Variants in STRIP1 observed in about 807,000 individuals in gnomAD.
The protein encoded by STRIP1 is striatin-interacting protein 1.
A neutral mutation model predicts 106.2 loss-of-function variants in STRIP1; 63 were observed. That is an observed-to-expected ratio of 0.59 (90% CI 0.48 to 0.73). The LOEUF (loss-of-function observed/expected upper bound fraction) is 0.73. STRIP1 is among the 30% of genes least tolerant of loss of function. The pLI is 0.00. For missense variants in STRIP1, 857 were observed against 1,074.8 expected (o/e 0.80, Z 2.83); for synonymous variants, 390 against 413.0 (o/e 0.94, Z 0.67).
chr1:110,035,830 T>C (rs1437487547), intron 1 of STRIP1, among the ~76,000 whole-genome samples: 1 of 152,212 alleles, frequency 6.6e-6, no homozygotes, highest in South Asian at 2.1e-4. Flanking sequence ...CCTCAGAAGC[T>C]TTTATTTTTT....
Position 110,050,990 on chromosome 1 carries a change from A to G in STRIP1, c.1991A>G (p.Asn664Ser). The change falls in exon 19 of 21, where the codon AAC becomes AGC. Residue 664 changes from asparagine to serine, a missense_variant. By Grantham distance (46) the Asn-to-Ser change is conservative (BLOSUM62 1). Around this residue, in one of 2 missense-constraint regions of STRIP1, gnomAD observed 750 missense variants for 989.8 expected, o/e 0.76. Coordinates refer to ENST00000369795, the MANE Select transcript of STRIP1 (RefSeq NM_033088.4). ...GACAGTAACCAATTTTGCTGGAGGA[A>G]CCTCTTTTCTTGTATCAATCTGCTT... Reference protein sequence around the residue: ...AGDSNQFCWRNLFSCINLLRI... With the variant: ...AGDSNQFCWRSLFSCINLLRI... 1 of 1,613,792 alleles carries G rather than the reference A, an allele frequency of 6.2e-7. No homozygotes were observed. The highest frequency in any genetic ancestry group is 8.5e-7 in the Non-Finnish European group (1 of 1,179,718).
intron 2 of STRIP1, 111 bp downstream of exon 2, chr1:110,038,071 A>AATATATAT (rs3085770): frequency 0.011 from 1,489 of 129,928 alleles, 24 homozygotes; most frequent in African/African-American, 0.021. Flanking sequence ...AGTTCTATCA[A>AATATATAT]ATATATATAT....
intron 1 of STRIP1, among the ~76,000 whole-genome samples, chr1:110,036,791 C>T (rs1355560362): frequency 6.6e-6 from 1 of 152,054 alleles, no homozygotes; most frequent in East Asian, 1.9e-4. Flanking sequence ...CTGAACACAA[C>T]GTGGAGTTCT....
In STRIP1 at chr1:110,053,758, A is replaced by G. The variant is rs976100383; in HGVS notation, c.2360A>G (p.His787Arg). ...AACGCCCGGCGCTATGACCGGGCCC[A>G]CAGCAACCCTGACTTCCTGCCAGTG... Reference protein sequence around the residue: ...RFNARRYDRAHSNPDFLPVDN... With the variant: ...RFNARRYDRARSNPDFLPVDN... Residue 787 changes from histidine to arginine, a missense_variant, in exon 21 of 21, where the codon CAC (histidine) becomes CGC (arginine). By Grantham distance (29) the His-to-Arg change is conservative. Coordinates refer to ENST00000369795, the MANE Select transcript of STRIP1 (RefSeq NM_033088.4). The G allele has an allele frequency of 6.8e-6, 11 of 1,613,970 alleles. No homozygotes were observed. The African/African-American group carries it at 1.3e-4, about 20-fold the overall frequency.
At chr1:110,043,985 G>A (rs1193939343) in intron 10 of STRIP1, 129 bp downstream of exon 10, 9 of 883,064 alleles carry the variant, frequency 1.0e-5, no homozygotes, top group Admixed American at 4.6e-5. Flanking sequence ...TCTGGGATGA[G>A]GCTCTCTTAA....
intron 5 of STRIP1, 111 bp from the exon 6 acceptor site, chr1:110,040,524 C>A: frequency 1.0e-6 from 1 of 999,482 alleles, no homozygotes. Flanking sequence ...GCCTCTTGTG[C>A]AGTCCAAGCA....
At chr1:110,032,027 C>T (rs116326844), upstream of STRIP1, among the ~76,000 whole-genome samples, 2,227 of 152,082 alleles carry the variant, frequency 0.015, 64 homozygotes, top group African/African-American at 0.051. Flanking sequence ...AGCCACGGTG[C>T]CTGGCCCCTC....
Position 110,038,732 on chromosome 1 carries a change from C to G in STRIP1, c.300C>G (p.Cys100Trp). Residue 100 changes from cysteine (C) to tryptophan (W), a missense_variant, in exon 3 of 21, where the codon TGC becomes TGG. Transcript: ENST00000369795. ...CAGAATTCCTGATGAATCGAAAATG[C>G]TTTGAGGAGGACTTCCGGATCCATG... is the stretch of plus-strand genomic sequence containing the variant. ...EGPEFLMNRK[C>W]FEEDFRIHVT... 6.2e-7 allele frequency: 1 copy of G among 1,614,150 alleles called. No homozygotes were observed. The highest frequency in any genetic ancestry group is 8.5e-7 in the Non-Finnish European group (1 of 1,180,004).
chr1:110,044,571 G>C (rs1173629295), intron 10 of STRIP1, among the ~76,000 whole-genome samples: 2 of 152,216 alleles, frequency 1.3e-5, no homozygotes, highest in Non-Finnish European at 2.9e-5. Context: ...TCTGAATAAA[G>C]CATGTTTTTA....
At chr1:110,048,656 C>T (rs1653147171) in intron 15 of STRIP1, among the ~76,000 whole-genome samples, 1 of 152,236 alleles carries the variant, frequency 6.6e-6, no homozygotes, top group African/African-American at 2.4e-5. Context: ...AGGAATTCCT[C>T]TTACAAAGAT....
At position 110,034,709 on chromosome 1, in the gene STRIP1, G is replaced by A. The variant is rs1652351165; in HGVS notation, c.72G>A (p.Pro24=). The A allele has an allele frequency of 1.3e-6, 2 of 1,508,626 alleles. No individual in the cohort carries two copies. The highest frequency in any genetic ancestry group is 1.2e-5 in the South Asian group (1 of 80,426). The allele number at this position is 1,508,626 out of a possible 1,614,324, so 93.5% of individuals were successfully genotyped here. Residue 24 remains proline, a synonymous_variant, in exon 1 of 21, where the codon CCG becomes CCA. Coordinates refer to ENST00000369795, the MANE Select transcript of STRIP1 (RefSeq NM_033088.4). ...NNKQPQPPPP[P]PPAAAQPPPG... ...AACAGCCCCAGCCCCCGCCACCTCC[G>A]CCGCCGGCAGCCGCACAGCCACCAC... is the stretch of plus-strand genomic sequence containing the variant.
At position 110,049,213 on chromosome 1, in the gene STRIP1, A is replaced by G; in HGVS notation, c.1763A>G (p.His588Arg). Residue 588 changes from histidine (H) to arginine (R), a missense_variant, in exon 16 of 21, where the codon CAC becomes CGC. By Grantham distance (29) the His-to-Arg change is conservative (BLOSUM62 0). Coordinates refer to ENST00000369795, the MANE Select transcript of STRIP1 (RefSeq NM_033088.4). ...ISAVLLLLLK[H>R]FKLNHVYQFE... ...GCTGTCCTGCTGCTGCTGCTCAAGC[A>G]CTTTAAGTTGAACCATGTCTACCAG... 6.2e-7 allele frequency: 1 copy of G among 1,614,194 alleles called. No individual in the cohort carries two copies. The highest frequency in any genetic ancestry group is 8.5e-7 in the Non-Finnish European group (1 of 1,180,046).
chr1:110,034,961 G>A (rs1394302326), intron 1 of STRIP1, 144 bp downstream of exon 1: 5 of 830,578 alleles, frequency 6.0e-6, no homozygotes, highest in Non-Finnish European at 8.5e-6. Flanking sequence ...AGCGAAAGGA[G>A]CAGGAAGCGA....
intron 5 of STRIP1, among the ~76,000 whole-genome samples, chr1:110,040,287 T>C (rs1652695105): frequency 6.6e-6 from 1 of 152,216 alleles, no homozygotes; most frequent in Non-Finnish European, 1.5e-5. Flanking sequence ...CTTCAAGCTA[T>C]TCTCCTGCCT....
Position 110,051,074 on chromosome 1 carries a change from T to C in STRIP1, c.2061+14T>C, listed in dbSNP as rs1350540496. 1.9e-6 allele frequency: 3 copies of C among 1,540,824 alleles called. No homozygotes were observed. The highest frequency in any genetic ancestry group is 2.7e-6 in the Non-Finnish European group (3 of 1,113,064). Reference sequence around the variant, plus strand: ...TCAAGGACAATGGTAAGTGAGTCAGTGTAGTCAGCAGGCTTGGAACTTGGA... The same window carrying C: ...TCAAGGACAATGGTAAGTGAGTCAGCGTAGTCAGCAGGCTTGGAACTTGGA... On this transcript the variant is annotated intron_variant, in intron 19 of 20. Coordinates refer to ENST00000369795, the MANE Select transcript of STRIP1 (RefSeq NM_033088.4).
intron 17 of STRIP1, 117 bp from the exon 18 acceptor site, chr1:110,050,226 C>A (rs917014782): frequency 5.4e-6 from 5 of 934,244 alleles, no homozygotes; most frequent in Non-Finnish European, 8.5e-6. Flanking sequence ...CAGGTAGATT[C>A]CTACTTCTGC....
chr1:110,051,624 GGGAT>G, intron 19 of STRIP1, 55 bp from the exon 20 acceptor site: 1 of 1,492,282 alleles, frequency 6.7e-7, no homozygotes, highest in Non-Finnish European at 9.1e-7. Context: ...AGTGTGACCT[GGGAT>G]GTATGCATTT....
At chr1:110,046,638 G>T (rs1024761805) in intron 12 of STRIP1, 42 bp from the exon 13 acceptor site, 3 of 1,587,130 alleles carry the variant, frequency 1.9e-6, no homozygotes, top group Non-Finnish European at 2.6e-6. Flanking sequence ...TTTGGCCAGA[G>T]AATGTTTTCC....
rs1653237202 is a variant in STRIP1, at chr1:110,050,367, C to G, written c.1914C>G (p.His638Gln). 6.2e-7 allele frequency: 1 copy of G among 1,614,064 alleles called. No individual in the cohort carries two copies. The change falls in exon 18 of 21, where the codon CAC becomes CAG. Residue 638 changes from histidine (H) to glutamine (Q), a missense_variant. This residue lies in a region of STRIP1 where 750 missense variants were observed against 989.8 expected (regional missense o/e 0.76). Transcript: ENST00000369795. ...KNSISVLDYP[H>Q]CVVHELPELT... ...GCATTTCTGTCCTGGATTACCCTCA[C>G]TGCGTGGTGCATGAGCTGCCAGAGC...
Sources: allele counts gnomAD v4.1 joint callset (sites outside exome capture counted in the v4.1 genomes callset), GRCh38; gene constraint gnomAD v4.1.1; regional missense constraint gnomAD v4.1.1; transcripts MANE v1.5; gene names NCBI Gene and HGNC (gene_info 2026-07-23, HGNC 2026-07-21).